Variants in KBTBD13 observed in about 807,000 individuals in gnomAD.
The protein encoded by KBTBD13 is kelch repeat and BTB domain containing 13, also known as kelch repeat and BTB domain-containing protein 13.
In KBTBD13, 32 loss-of-function variants were observed where a neutral mutation model predicts 25.4. The observed-to-expected ratio is 1.26, with a 90% confidence interval of 0.95 to 1.69. KBTBD13 has a LOEUF of 1.69. KBTBD13 is among the 40% of genes most tolerant of loss of function. The pLI is 0.00. For missense variants in KBTBD13, 898 were observed against 679.5 expected, an observed-to-expected ratio of 1.32 and a Z score of -3.57; for synonymous variants, 436 against 329.8, an observed-to-expected ratio of 1.32 and a Z score of -3.49.
rs114112578 is a variant in KBTBD13 at position 65,078,414 on chromosome 15, G to A, written c.*222G>A. ...CTGCTGAGAGCTGGTGGGTCACAAT[G>A]TCAGTGAACAGGGTAGGGGGAGTTG... is the stretch of plus-strand genomic sequence containing the variant. On this transcript the variant is annotated 3_prime_UTR_variant, in exon 1 of 1. Transcript: ENST00000432196. Among the ~76,000 whole-genome samples the A allele has an allele frequency of 3.8e-3, 578 of 152,328 alleles. 3 individuals are homozygous for A. Among genetic ancestry groups the A allele is most frequent in the African/African-American group, 0.013 (552 of 41,580 alleles).
Position 65,077,382 on chromosome 15 carries a change from G to T in KBTBD13, c.567G>T (p.Thr189=). The T allele has an allele frequency of 1.3e-6, 2 of 1,512,674 alleles. No individual in the cohort carries two copies. The highest frequency in any genetic ancestry group is 1.8e-6 in the Non-Finnish European group (2 of 1,132,526). The allele number at this position is 1,512,674 out of a possible 1,614,324, so 93.7% of individuals were successfully genotyped here. The change falls in exon 1 of 1, where the codon ACG becomes ACT. Residue 189 remains threonine, a synonymous_variant. Coordinates refer to ENST00000432196, the MANE Select transcript of KBTBD13 (RefSeq NM_001101362.3). ...YLDEEEDAWR[T]LAALPLEAST... is the part of the protein sequence containing the mutation. Reference sequence around the variant, plus strand: ...ACGAGGAAGAGGACGCGTGGCGCACGCTGGCTGCGCTGCCCCTGGAGGCCA... The same window carrying T: ...ACGAGGAAGAGGACGCGTGGCGCACTCTGGCTGCGCTGCCCCTGGAGGCCA...
At position 65,079,671 on chromosome 15, in the gene KBTBD13, C is replaced by G. The variant is rs184846390; in HGVS notation, c.*1479C>G. On this transcript the variant is annotated 3_prime_UTR_variant, in exon 1 of 1. Coordinates refer to ENST00000432196, the MANE Select transcript of KBTBD13 (RefSeq NM_001101362.3). The stretch of plus-strand genomic sequence containing the variant: ...CAGCCCTTTCCAGCCTCTCCATGGC[C>G]TTGGGAAGACTTCTCTGGGTGGTTC... Among the ~76,000 whole-genome samples, 2 of 152,338 alleles carry G rather than the reference C, an allele frequency of 1.3e-5. No individual in the cohort carries two copies. Among genetic ancestry groups the G allele is most frequent in the Admixed American group, 6.5e-5 (1 of 15,306 alleles).
rs772222290 is a variant in KBTBD13, at chr15:65,077,831, C to T, written c.1016C>T (p.Pro339Leu). The change falls in exon 1 of 1, where the codon CCG becomes CTG. Residue 339 changes from proline to leucine, a missense_variant. Transcript: ENST00000432196. Reference protein sequence around the residue: ...AWLPVAELRRPQSYGHCMVAH... With the variant: ...AWLPVAELRRLQSYGHCMVAH... ...CTGCCAGTGGCCGAGCTGCGGCGTC[C>T]GCAGAGCTATGGCCACTGCATGGTG... 5 of 1,608,268 alleles carry T rather than the reference C, an allele frequency of 3.1e-6. No homozygotes were observed. The highest frequency in any genetic ancestry group is 2.7e-5 in the African/African-American group (2 of 74,914).
rs2087015339 is a variant in KBTBD13 at position 65,078,964 on chromosome 15, A to G, written c.*772A>G. On this transcript the variant is annotated 3_prime_UTR_variant, in exon 1 of 1. Coordinates refer to ENST00000432196, the MANE Select transcript of KBTBD13 (RefSeq NM_001101362.3). The stretch of plus-strand genomic sequence containing the variant: ...TCTCTGCAAGTCCAGCCATACCAGC[A>G]GAGCAGCAGTAGTTGGGGCATCTAG... 6.6e-6 allele frequency among the ~76,000 whole-genome samples: 1 copy of G among 152,192 alleles called. No homozygotes were observed. Among genetic ancestry groups the G allele is most frequent in the Non-Finnish European group, 1.5e-5 (1 of 68,026 alleles).
At position 65,077,057 on chromosome 15, in the gene KBTBD13, C is replaced by T. The variant is rs2919358; in HGVS notation, c.242C>T (p.Ala81Val). The change falls in exon 1 of 1, where the codon GCC (alanine) becomes GTC (valine). Residue 81 changes from alanine (A) to valine (V), a missense_variant. By Grantham distance (64) the Ala-to-Val change is moderately conservative. Coordinates refer to ENST00000432196, the MANE Select transcript of KBTBD13 (RefSeq NM_001101362.3). The stretch of plus-strand genomic sequence containing the variant: ...GCGGCGGAGGACGAGCTGCTGCAGG[C>T]CGTGGAGTGCGCCGCCTTCCTCCAG... ...ALAAEDELLQAVECAAFLQAP... is the reference protein window; with the variant it reads ...ALAAEDELLQVVECAAFLQAP... 610,623 of 1,516,914 alleles carry T rather than the reference C, an allele frequency of 0.4. 127,887 individuals are homozygous for T. The highest frequency in any genetic ancestry group is 0.73 in the East Asian group (28,920 of 39,548). 94.0% of individuals were successfully genotyped at this position (1,516,914 alleles called of 1,614,324 possible).
Position 65,077,311 on chromosome 15 carries a change from G to A in KBTBD13, c.496G>A (p.Ala166Thr). 1.4e-6 allele frequency: 2 copies of A among 1,420,118 alleles called. No individual in the cohort carries two copies. The highest frequency in any genetic ancestry group is 1.8e-6 in the Non-Finnish European group (2 of 1,091,074). 88.0% of individuals were successfully genotyped at this position (1,420,118 alleles called of 1,614,324 possible). ...SYAAVSTHTP[A>T]PGFLEDASRT... is the part of the protein sequence containing the mutation. The stretch of plus-strand genomic sequence containing the variant: ...CGCGGCCGTGAGCACGCACACGCCC[G>A]CGCCCGGCTTCCTGGAGGACGCCTC... The change falls in exon 1 of 1, where the codon GCG becomes ACG. Residue 166 changes from alanine (A) to threonine (T), a missense_variant. By Grantham distance (58) the Ala-to-Thr change is moderately conservative. Coordinates refer to ENST00000432196, the MANE Select transcript of KBTBD13 (RefSeq NM_001101362.3).
In KBTBD13 at chr15:65,077,417, T is replaced by G; in HGVS notation, c.602T>G (p.Leu201Arg). The change falls in exon 1 of 1, where the codon CTG becomes CGG. Residue 201 changes from leucine (L) to arginine (R), a missense_variant. By Grantham distance (102) the Leu-to-Arg change is moderately radical. Transcript: ENST00000432196. ...AALPLEASTLLAGVATLGNKL... is the reference protein window; with the variant it reads ...AALPLEASTLRAGVATLGNKL... ...CTGCCCCTGGAGGCCAGCACGTTGC[T>G]GGCCGGGGTGGCCACGCTGGGCAAC... 1 of 1,527,124 alleles carries G rather than the reference T, an allele frequency of 6.5e-7. No individual in the cohort carries two copies. Among genetic ancestry groups the G allele is most frequent in the Non-Finnish European group, 8.8e-7 (1 of 1,141,786 alleles). The allele number at this position is 1,527,124 out of a possible 1,614,324, so 94.6% of individuals were successfully genotyped here.
Position 65,077,335 on chromosome 15 carries a change from T to TCG in KBTBD13, c.524_525dup (p.Thr176AlafsTer51), listed in dbSNP as rs2086989511. On this transcript the variant is annotated frameshift_variant, in exon 1 of 1. Transcript: ENST00000432196. LOFTEE classifies it high-confidence loss of function. ...CGCGCCCGGCTTCCTGGAGGACGCC[T>TCG]CGCGCACGCTGTGTTACCTGGACGA... 13 of 1,453,902 alleles carry TCG rather than the reference T, an allele frequency of 8.9e-6. No homozygotes were observed. Among genetic ancestry groups the TCG allele is most frequent in the Non-Finnish European group, 8.1e-6 (9 of 1,104,780 alleles). The allele number at this position is 1,453,902 out of a possible 1,614,324, so 90.1% of individuals were successfully genotyped here. A position where few individuals can be genotyped will look rare whatever the true frequency, so the allele number is the denominator to read the frequency against.
At position 65,078,308 on chromosome 15, in the gene KBTBD13, C is replaced by A; in HGVS notation, c.*116C>A. On this transcript the variant is annotated 3_prime_UTR_variant, in exon 1 of 1. Coordinates refer to ENST00000432196, the MANE Select transcript of KBTBD13 (RefSeq NM_001101362.3). ...AACTTCCCTCTTTCTACTGAGACAC[C>A]CAGGTTTGGTGCCTTCTGGTGGTGT... 3.6e-6 allele frequency: 5 copies of A among 1,404,410 alleles called. No individual in the cohort carries two copies. Among genetic ancestry groups the A allele is most frequent in the Non-Finnish European group, 4.7e-6 (5 of 1,060,156 alleles). The allele number at this position is 1,404,410 out of a possible 1,614,324, so 87.0% of individuals were successfully genotyped here. A position where few individuals can be genotyped will look rare whatever the true frequency, so the allele number is the denominator to read the frequency against.
rs184130258 is a variant in KBTBD13 at position 65,077,796 on chromosome 15, C to G, written c.981C>G (p.Thr327=). 277 of 1,593,792 alleles carry G rather than the reference C, an allele frequency of 1.7e-4. 1 individual carries two copies. In the African/African-American group the frequency reaches 3.3e-3, roughly 19 times the overall value. The change falls in exon 1 of 1, where the codon ACC becomes ACG. Residue 327 remains threonine, a synonymous_variant. Coordinates refer to ENST00000432196, the MANE Select transcript of KBTBD13 (RefSeq NM_001101362.3). ...CCGTGGTGGAGTACGCAGTGCGGACCGACGCGTGGCTGCCAGTGGCCGAGC... is the reference window on the plus strand; with the variant it reads ...CCGTGGTGGAGTACGCAGTGCGGACGGACGCGTGGCTGCCAGTGGCCGAGC... ...TTAVVEYAVR[T]DAWLPVAELR...
Position 65,077,100 on chromosome 15 carries a change from C to T in KBTBD13, c.285C>T (p.Arg95=), listed in dbSNP as rs1175552889. The T allele has an allele frequency of 2.6e-6, 4 of 1,523,148 alleles. No individual in the cohort carries two copies. The highest frequency in any genetic ancestry group is 3.5e-6 in the Non-Finnish European group (4 of 1,139,632). 94.4% of individuals were successfully genotyped at this position (1,523,148 alleles called of 1,614,324 possible). The change falls in exon 1 of 1, where the codon CGC becomes CGT. Residue 95 remains arginine (R), a synonymous_variant. Transcript: ENST00000432196. Reference sequence around the variant, plus strand: ...TCCTCCAGGCGCCGGCGCTGGCTCGCTTTCTGGAGCACAACCTCACGTCGG... The same window carrying T: ...TCCTCCAGGCGCCGGCGCTGGCTCGTTTTCTGGAGCACAACCTCACGTCGG... ...AAFLQAPALA[R]FLEHNLTSDN... is the part of the protein sequence containing the mutation.
In KBTBD13 at chr15:65,077,279, G is replaced by A. The variant is rs2140544126; in HGVS notation, c.464G>A (p.Ser155Asn). Residue 155 changes from serine (S) to asparagine (N), a missense_variant, in exon 1 of 1, where the codon AGC (serine) becomes AAC (asparagine). Transcript: ENST00000432196. ...GCCTACGTGGCGGCCCTGCGGCCCA[G>A]CAGCTACGCGGCCGTGAGCACGCAC... Reference protein sequence around the residue: ...ARAYVAALRPSSYAAVSTHTP... With the variant: ...ARAYVAALRPNSYAAVSTHTP... 4 of 1,398,482 alleles carry A rather than the reference G, an allele frequency of 2.9e-6. No individual in the cohort carries two copies. Among genetic ancestry groups the A allele is most frequent in the Non-Finnish European group, 3.7e-6 (4 of 1,082,530 alleles). The allele number at this position is 1,398,482 out of a possible 1,614,324, so 86.6% of individuals were successfully genotyped here.
chr15:65,077,923 G>C lies in KBTBD13; in HGVS notation c.1108G>C (p.Asp370His), dbSNP rs779342567. Reference protein sequence around the residue: ...PSDDFLHCAIDCLNLATGQWT... With the variant: ...PSDDFLHCAIHCLNLATGQWT... ...CGACGACTTCCTGCACTGCGCCATC[G>C]ACTGTCTCAACCTGGCCACGGGCCA... The change falls in exon 1 of 1, where the codon GAC (aspartate) becomes CAC (histidine). Residue 370 changes from aspartate to histidine, a missense_variant. Coordinates refer to ENST00000432196, the MANE Select transcript of KBTBD13 (RefSeq NM_001101362.3). The C allele has an allele frequency of 6.2e-7, 1 of 1,611,928 alleles. No homozygotes were observed. The highest frequency in any genetic ancestry group is 8.5e-7 in the Non-Finnish European group (1 of 1,179,782).
In KBTBD13 at chr15:65,077,100, C is replaced by G; in HGVS notation, c.285C>G (p.Arg95=). 1 of 1,523,256 alleles carries G rather than the reference C, an allele frequency of 6.6e-7. No homozygotes were observed. Among genetic ancestry groups the G allele is most frequent in the African/African-American group, 1.4e-5 (1 of 71,044 alleles). 94.4% of individuals were successfully genotyped at this position (1,523,256 alleles called of 1,614,324 possible). A position where few individuals can be genotyped will look rare whatever the true frequency, so the allele number is the denominator to read the frequency against. ...AAFLQAPALA[R]FLEHNLTSDN... is the part of the protein sequence containing the mutation. ...TCCTCCAGGCGCCGGCGCTGGCTCGCTTTCTGGAGCACAACCTCACGTCGG... is the reference window on the plus strand; with the variant it reads ...TCCTCCAGGCGCCGGCGCTGGCTCGGTTTCTGGAGCACAACCTCACGTCGG... The change falls in exon 1 of 1, where the codon CGC becomes CGG. Residue 95 remains arginine (R), a synonymous_variant. Coordinates refer to ENST00000432196, the MANE Select transcript of KBTBD13 (RefSeq NM_001101362.3).
At position 65,078,584 on chromosome 15, in the gene KBTBD13, A is replaced by G. The variant is rs2087012716; in HGVS notation, c.*392A>G. On this transcript the variant is annotated 3_prime_UTR_variant, in exon 1 of 1. Transcript: ENST00000432196. ...CCAATACAGTGTTATGCGTAATGAGAGCCGTAGTTGCCACACAGGGATCCA... is the reference window on the plus strand; with the variant it reads ...CCAATACAGTGTTATGCGTAATGAGGGCCGTAGTTGCCACACAGGGATCCA... Among the ~76,000 whole-genome samples the G allele has an allele frequency of 6.6e-6, 1 of 152,224 alleles. No individual in the cohort carries two copies. The highest frequency in any genetic ancestry group is 6.5e-5 in the Admixed American group (1 of 15,284).
rs1396873689 is a variant in KBTBD13 at position 65,077,127 on chromosome 15, C to G, written c.312C>G (p.Asp104Glu). The G allele has an allele frequency of 6.6e-7, 1 of 1,522,684 alleles. No individual in the cohort carries two copies. The highest frequency in any genetic ancestry group is 8.8e-7 in the Non-Finnish European group (1 of 1,139,768). 94.3% of individuals were successfully genotyped at this position (1,522,684 alleles called of 1,614,324 possible). A position where few individuals can be genotyped will look rare whatever the true frequency, so the allele number is the denominator to read the frequency against. ...TTCTGGAGCACAACCTCACGTCGGA[C>G]AACTGCGCATTGCTGTGCGACGCGG... is the stretch of plus-strand genomic sequence containing the variant. The part of the protein sequence containing the change: ...ARFLEHNLTS[D>E]NCALLCDAAA... Residue 104 changes from aspartate to glutamate, a missense_variant, in exon 1 of 1, where the codon GAC (aspartate) becomes GAG (glutamate). Coordinates refer to ENST00000432196, the MANE Select transcript of KBTBD13 (RefSeq NM_001101362.3).
In KBTBD13 at chr15:65,077,475, C is replaced by T. The variant is rs1450760458; in HGVS notation, c.660C>T (p.Ala220=). 1 of 1,525,298 alleles carries T rather than the reference C, an allele frequency of 6.6e-7. No individual in the cohort carries two copies. Among genetic ancestry groups the T allele is most frequent in the Non-Finnish European group, 8.8e-7 (1 of 1,139,080 alleles). 94.5% of individuals were successfully genotyped at this position (1,525,298 alleles called of 1,614,324 possible). A position where few individuals can be genotyped will look rare whatever the true frequency, so the allele number is the denominator to read the frequency against. Reference sequence around the variant, plus strand: ...ACATCGTGGGGGGCGTGCGCGGCGCCAGCAAGGAGGTGGTAGAGCTGGGCT... The same window carrying T: ...ACATCGTGGGGGGCGTGCGCGGCGCTAGCAAGGAGGTGGTAGAGCTGGGCT... ...KLYIVGGVRG[A]SKEVVELGFC... Residue 220 remains alanine, a synonymous_variant, in exon 1 of 1, where the codon GCC becomes GCT. Coordinates refer to ENST00000432196, the MANE Select transcript of KBTBD13 (RefSeq NM_001101362.3).
At position 65,079,009 on chromosome 15, in the gene KBTBD13, C is replaced by T. The variant is rs1253644739; in HGVS notation, c.*817C>T. The stretch of plus-strand genomic sequence containing the variant: ...ATCTAGAGAGGGGATGAGACTGGGC[C>T]AGCTTGCAGCAGATAATGACTGAGC... On this transcript the variant is annotated 3_prime_UTR_variant, in exon 1 of 1. Coordinates refer to ENST00000432196, the MANE Select transcript of KBTBD13 (RefSeq NM_001101362.3). Among the ~76,000 whole-genome samples the T allele has an allele frequency of 6.6e-6, 1 of 152,140 alleles. No homozygotes were observed. Among genetic ancestry groups the T allele is most frequent in the Non-Finnish European group, 1.5e-5 (1 of 68,032 alleles).
chr15:65,076,809 G>A lies in KBTBD13; in HGVS notation c.-7G>A. The A allele has an allele frequency of 1.3e-6, 2 of 1,518,350 alleles. No homozygotes were observed. Among genetic ancestry groups the A allele is most frequent in the Non-Finnish European group, 8.8e-7 (1 of 1,134,184 alleles). The allele number at this position is 1,518,350 out of a possible 1,614,324, so 94.1% of individuals were successfully genotyped here. On this transcript the variant is annotated 5_prime_UTR_variant, in exon 1 of 1. Coordinates refer to ENST00000432196, the MANE Select transcript of KBTBD13 (RefSeq NM_001101362.3). ...CCCAGCGGCAGCCTCCGCCCGGCCAGCTCGCCATGGCACGGGGTCCACAGA... is the reference window on the plus strand; with the variant it reads ...CCCAGCGGCAGCCTCCGCCCGGCCAACTCGCCATGGCACGGGGTCCACAGA...
Sources: allele counts gnomAD v4.1 joint callset (sites outside exome capture counted in the v4.1 genomes callset), GRCh38; gene constraint gnomAD v4.1.1; transcripts MANE v1.5; gene names NCBI Gene and HGNC (gene_info 2026-07-23, HGNC 2026-07-21).